Variants in NKAIN3 observed in about 807,000 individuals in gnomAD.
NKAIN3 encodes sodium/potassium-transporting ATPase subunit beta-1-interacting protein 3.
A neutral mutation model predicts 30.2 loss-of-function variants in NKAIN3; 25 were observed. The ratio of observed to expected loss-of-function variants is 0.83; its 90% CI spans 0.60 to 1.16. The LOEUF (loss-of-function observed/expected upper bound fraction) is 1.16, where lower values mean the gene tolerates loss of function less well. Ranked by LOEUF, NKAIN3 falls within the 50% of genes most tolerant of loss-of-function variation. The pLI, the probability that NKAIN3 is intolerant of heterozygous loss-of-function variation, is 0.00. For synonymous variants in NKAIN3, 91 were observed against 89.6 expected (o/e 1.02, Z -0.09); for missense variants, 225 against 254.1 (o/e 0.89, Z 0.78).
intron 4 of NKAIN3, among the ~76,000 whole-genome samples, chr8:62,884,186 A>G (rs1238298503): frequency 6.6e-6 from 1 of 152,150 alleles, no homozygotes; most frequent in Non-Finnish European, 1.5e-5. Context: ...CTTTTGTATT[A>G]GGATAATGCT....
intron 4 of NKAIN3, among the ~76,000 whole-genome samples, chr8:62,894,566 C>T (rs550632393): frequency 6.0e-4 from 92 of 152,180 alleles, no homozygotes; most frequent in African/African-American, 2.1e-3. Flanking sequence ...AATTTTCCTC[C>T]CAGCCTTTAA....
At chr8:62,752,518 A>G (rs953149168) in intron 4 of NKAIN3, among the ~76,000 whole-genome samples, 4 of 152,198 alleles carry the variant, frequency 2.6e-5, no homozygotes, top group Admixed American at 6.5e-5. Flanking sequence ...ATTTTCCTCA[A>G]TCTTGTTTCC....
Position 62,872,721 on chromosome 8 carries a change from G to C in NKAIN3, c.472-45732G>C, listed in dbSNP as rs572721983. On this transcript the variant is annotated intron_variant, in intron 4 of 6. Transcript: ENST00000623646. ...TCCACATATGCCCTCAGTCAAGAGA[G>C]AGTGAAAAGAATTTTCAACTCAGAA... Among the ~76,000 whole-genome samples the C allele has an allele frequency of 3.3e-5, 5 of 152,272 alleles. No individual in the cohort carries two copies. The East Asian group carries it at 5.8e-4, about 18-fold the overall frequency.
intron 1 of NKAIN3, among the ~76,000 whole-genome samples, chr8:62,376,886 A>G (rs923808254): frequency 2.6e-5 from 4 of 152,146 alleles, no homozygotes; most frequent in African/African-American, 9.6e-5. Flanking sequence ...TCAACCCTCC[A>G]TGGAAGATAA....
intron 1 of NKAIN3, among the ~76,000 whole-genome samples, chr8:62,530,299 T>A (rs1239929760): frequency 1.3e-5 from 2 of 152,140 alleles, no homozygotes; most frequent in African/African-American, 2.4e-5. Context: ...CGACTTCAAT[T>A]ACCTGGGTTG....
chr8:62,914,960 C>A (rs574517210), intron 4 of NKAIN3, among the ~76,000 whole-genome samples: 8 of 152,070 alleles, frequency 5.3e-5, no homozygotes, highest in Admixed American at 2.0e-4. Flanking sequence ...TCCTTGCCCC[C>A]CCACAGGCCC....
At chr8:62,269,464 T>G (rs1467992741) in intron 1 of NKAIN3, among the ~76,000 whole-genome samples, 1 of 151,950 alleles carries the variant, frequency 6.6e-6, no homozygotes, top group Non-Finnish European at 1.5e-5. Flanking sequence ...TCGCCCATTA[T>G]TTTTTTTACT....
intron 4 of NKAIN3, among the ~76,000 whole-genome samples, chr8:62,907,739 C>A (rs986278892): frequency 2.6e-5 from 4 of 152,210 alleles, no homozygotes; most frequent in Non-Finnish European, 5.9e-5. Flanking sequence ...AAATTAAGAA[C>A]TGAGGTTTGA....
At chr8:62,409,010 T>C (rs1437344588) in intron 1 of NKAIN3, among the ~76,000 whole-genome samples, 1 of 152,190 alleles carries the variant, frequency 6.6e-6, no homozygotes, top group East Asian at 1.9e-4. Flanking sequence ...GAAGAATTAT[T>C]ACTCTCTGCC....
intron 1 of NKAIN3, among the ~76,000 whole-genome samples, chr8:62,366,837 A>G (rs1585728571): frequency 6.6e-6 from 1 of 152,110 alleles, no homozygotes; most frequent in African/African-American, 2.4e-5. Context: ...ATAGCTACAA[A>G]CCGCCCTCTT....
intron 1 of NKAIN3, among the ~76,000 whole-genome samples, chr8:62,538,245 G>A (rs913332772): frequency 2.6e-5 from 4 of 152,106 alleles, no homozygotes; most frequent in African/African-American, 9.7e-5. Context: ...TGCAATCTTG[G>A]CTCACTGCAG....
intron 4 of NKAIN3, among the ~76,000 whole-genome samples, chr8:62,789,827 A>G (rs1002524345): frequency 2.0e-5 from 3 of 152,154 alleles, no homozygotes; most frequent in African/African-American, 7.2e-5. Flanking sequence ...TTAATAGCAT[A>G]CCAATCAAAA....
intron 1 of NKAIN3, among the ~76,000 whole-genome samples, chr8:62,348,156 A>G (rs1208964705): frequency 6.6e-6 from 1 of 152,152 alleles, no homozygotes; most frequent in Non-Finnish European, 1.5e-5. Flanking sequence ...ATCAATTATT[A>G]TGTGTATTAG....
At chr8:62,871,333 G>A (rs7836848) in intron 4 of NKAIN3, among the ~76,000 whole-genome samples, 103,820 of 149,844 alleles carry the variant, frequency 0.69, 36,619 homozygotes, top group African/African-American at 0.78. Context: ...AACTCAGAAG[G>A]CAGAGGTTGC....
In NKAIN3 at chr8:62,838,089, G is replaced by GGT. The variant is rs147185630; in HGVS notation, c.472-80349_472-80348dup. 2.4e-3 allele frequency among the ~76,000 whole-genome samples: 354 copies of GGT among 150,074 alleles called. 2 individuals are homozygous for GGT. The highest frequency in any genetic ancestry group is 7.7e-3 in the African/African-American group (315 of 40,984). On this transcript the variant is annotated intron_variant, in intron 4 of 6. Coordinates refer to ENST00000623646, the MANE Select transcript of NKAIN3 (RefSeq NM_001304533.3). ...GTCCTAGGACGTAGAAGTGTGCAAA[G>GGT]GTGTGTGTGTGTGTGTATCTCACTC...
At chr8:62,455,172 A>G (rs1481484593) in intron 1 of NKAIN3, among the ~76,000 whole-genome samples, 1 of 152,238 alleles carries the variant, frequency 6.6e-6, no homozygotes, top group Non-Finnish European at 1.5e-5. Flanking sequence ...TAATCTTTAC[A>G]TTGATTTAAT....
intron 1 of NKAIN3, among the ~76,000 whole-genome samples, chr8:62,317,433 A>G (rs1196411882): frequency 2.0e-5 from 3 of 152,270 alleles, no homozygotes; most frequent in African/African-American, 7.2e-5. Context: ...TCTTCAATCC[A>G]TCTTGAATTA....
At chr8:62,277,599 C>T (rs1332984598) in intron 1 of NKAIN3, among the ~76,000 whole-genome samples, 1 of 152,088 alleles carries the variant, frequency 6.6e-6, no homozygotes, top group African/African-American at 2.4e-5. Context: ...TATGTAGTCA[C>T]CTCTAAAGTA....
chr8:62,617,664 G>A (rs1379816901), intron 3 of NKAIN3, among the ~76,000 whole-genome samples: 1 of 152,078 alleles, frequency 6.6e-6, no homozygotes, highest in African/African-American at 2.4e-5. Flanking sequence ...TTTAATCCTG[G>A]TCAGCCAAAT....
Sources: allele counts gnomAD v4.1 joint callset (sites outside exome capture counted in the v4.1 genomes callset), GRCh38; gene constraint gnomAD v4.1.1; transcripts MANE v1.5; gene names NCBI Gene and HGNC (gene_info 2026-07-23, HGNC 2026-07-21).